Variants in UBE2QL1 observed in about 807,000 individuals in gnomAD.
UBE2QL1 encodes ubiquitin-conjugating enzyme E2Q-like protein 1.
Under a neutral mutation model 12.6 loss-of-function variants are expected in UBE2QL1, and 5 were observed. The ratio of observed to expected loss-of-function variants is 0.40; its 90% confidence interval spans 0.21 to 0.83. The LOEUF (loss-of-function observed/expected upper bound fraction) is 0.83, where lower values mean the gene tolerates loss of function less well. Ranked by LOEUF, UBE2QL1 falls within the 40% of genes least tolerant of loss-of-function variation. The pLI is 0.37. For synonymous variants in UBE2QL1, 96 were observed against 94.5 expected (o/e 1.02, Z -0.10); for missense variants, 99 against 222.6 (o/e 0.44, Z 3.53).
intron 1 of UBE2QL1, among the ~76,000 whole-genome samples, chr5:6,449,868 A>AACCC (rs1739376273): frequency 6.0e-5 from 7 of 117,098 alleles, no homozygotes; most frequent in Admixed American, 8.3e-5. Context: ...CACCTCCCCA[A>AACCC]CCCCCCCCAC....
At chr5:6,451,659 AAGAG>A (rs1167665489) in intron 1 of UBE2QL1, among the ~76,000 whole-genome samples, 1 of 152,190 alleles carries the variant, frequency 6.6e-6, no homozygotes, top group African/African-American at 2.4e-5. Context: ...ACAGCTGTCT[AAGAG>A]AGGGTAATGT....
At chr5:6,490,114 G>C (rs528762984) in intron 1 of UBE2QL1, among the ~76,000 whole-genome samples, 1 of 152,338 alleles carries the variant, frequency 6.6e-6, no homozygotes, top group African/African-American at 2.4e-5. Flanking sequence ...GATCTTCCAG[G>C]AGAGCCTGGG....
At chr5:6,466,966 T>C (rs1739810279) in intron 1 of UBE2QL1, among the ~76,000 whole-genome samples, 1 of 152,208 alleles carries the variant, frequency 6.6e-6, no homozygotes, top group Non-Finnish European at 1.5e-5. Context: ...GGCTGCTCAC[T>C]GTTCTGGGCC....
chr5:6,465,842 G>A lies in UBE2QL1; in HGVS notation c.354+16595G>A, dbSNP rs547611496. Among the ~76,000 whole-genome samples the A allele has an allele frequency of 5.3e-5, 8 of 152,330 alleles. No homozygotes were observed. In the East Asian group the frequency reaches 7.7e-4, roughly 15 times the overall value. The stretch of plus-strand genomic sequence containing the variant: ...ACCTTAAACCTGCCTCCGTGAGGAC[G>A]GAACCTGGACTCCTCGCCATTTCTG... On this transcript the variant is annotated intron_variant, in intron 1 of 1. Coordinates refer to ENST00000399816, the MANE Select transcript of UBE2QL1 (RefSeq NM_001145161.3).
chr5:6,451,192 C>T (rs1354851223), intron 1 of UBE2QL1, among the ~76,000 whole-genome samples: 2 of 151,928 alleles, frequency 1.3e-5, no homozygotes, highest in East Asian at 1.9e-4. Context: ...TGAACTGGAC[C>T]ACTGCCTATA....
rs1363874566 is a variant in UBE2QL1 at position 6,479,462 on chromosome 5, G to T, written c.355-11756G>T. On this transcript the variant is annotated intron_variant, in intron 1 of 1. Transcript: ENST00000399816. This position sits in a 1 kb window ranked among gnomAD's most constrained non-coding sequence, Gnocchi z 4.2. ...TCAGTAAGAAAGTGGGGGGTCTCTG[G>T]GGCTAGTCAGGGAAATGTGTGCCTT... Among the ~76,000 whole-genome samples, 1 of 152,126 alleles carries T rather than the reference G, an allele frequency of 6.6e-6. No homozygotes were observed. Among genetic ancestry groups the T allele is most frequent in the Admixed American group, 6.5e-5 (1 of 15,284 alleles).
intron 1 of UBE2QL1, among the ~76,000 whole-genome samples, chr5:6,452,123 C>G (rs765643221): frequency 6.6e-6 from 1 of 152,098 alleles, no homozygotes; most frequent in Non-Finnish European, 1.5e-5. Context: ...ATTGAGGATA[C>G]GCTGTTTCTA....
chr5:6,458,379 A>G (rs1739580375), intron 1 of UBE2QL1, among the ~76,000 whole-genome samples: 1 of 152,204 alleles, frequency 6.6e-6, no homozygotes, highest in Admixed American at 6.5e-5. Context: ...AAATATTTGA[A>G]GGGTAATTCT....
At chr5:6,458,947 C>G (rs536112722) in intron 1 of UBE2QL1, among the ~76,000 whole-genome samples, 1 of 152,256 alleles carries the variant, frequency 6.6e-6, no homozygotes, top group African/African-American at 2.4e-5. Context: ...GTGCCTGCGT[C>G]TGACAGCACC....
At chr5:6,488,553 C>CTT (rs59856883) in intron 1 of UBE2QL1, among the ~76,000 whole-genome samples, 29,538 of 151,846 alleles carry the variant, frequency 0.19, 6,337 homozygotes, top group African/African-American at 0.53. Context: ...AATCCTAACA[C>CTT]TGAGAAATCA....
At chr5:6,461,949 G>A (rs947795587) in intron 1 of UBE2QL1, among the ~76,000 whole-genome samples, 1 of 152,096 alleles carries the variant, frequency 6.6e-6, no homozygotes, top group Non-Finnish European at 1.5e-5. Context: ...AGCCCTCGGC[G>A]TCCCCAGCTT....
Position 6,495,124 on chromosome 5 carries a change from A to C in UBE2QL1, c.*3775A>C, listed in dbSNP as rs1233168261. ...ATGGGAGGGGCTGAGGGCACCTTGA[A>C]AGGGAGCGTGGACTCTGTCCTCACT... is the stretch of plus-strand genomic sequence containing the variant. On this transcript the variant is annotated 3_prime_UTR_variant, in exon 2 of 2. Transcript: ENST00000399816. Among the ~76,000 whole-genome samples, 3 of 152,102 alleles carry C rather than the reference A, an allele frequency of 2.0e-5. No homozygotes were observed. The highest frequency in any genetic ancestry group is 4.4e-5 in the Non-Finnish European group (3 of 68,010).
intron 1 of UBE2QL1, 35 bp from the exon 2 acceptor site, chr5:6,491,183 C>T (rs904202745): frequency 5.0e-5 from 75 of 1,498,864 alleles, no homozygotes; most frequent in Middle Eastern, 1.7e-4. Context: ...TTCCCAGTGA[C>T]GTTCTAACCT....
intron 1 of UBE2QL1, among the ~76,000 whole-genome samples, chr5:6,471,584 G>A (rs544894379): frequency 2.9e-4 from 44 of 152,294 alleles, no homozygotes; most frequent in Non-Finnish European, 4.3e-4. Context: ...GGTTACCCAG[G>A]ATCAAAGCTG....
At chr5:6,451,486 C>T (rs1739411870) in intron 1 of UBE2QL1, among the ~76,000 whole-genome samples, 1 of 152,194 alleles carries the variant, frequency 6.6e-6, no homozygotes, top group Non-Finnish European at 1.5e-5. Context: ...TAATTATCAA[C>T]TTTTTCATTT....
At chr5:6,449,328 A>G (rs1739364675) in intron 1 of UBE2QL1, 81 bp downstream of exon 1, 2 of 1,258,560 alleles carry the variant, frequency 1.6e-6, no homozygotes, top group East Asian at 6.4e-5. Context: ...CCCCGTGGTG[A>G]GGGCCAGCGC....
intron 1 of UBE2QL1, among the ~76,000 whole-genome samples, chr5:6,465,831 TC>T (rs747649136): frequency 3.9e-5 from 6 of 152,338 alleles, no homozygotes; most frequent in Non-Finnish European, 5.9e-5. Context: ...TAAACCTGCC[TC>T]CGTGAGGACG....
intron 1 of UBE2QL1, among the ~76,000 whole-genome samples, chr5:6,453,888 G>A (rs1337050218): frequency 6.6e-6 from 1 of 152,154 alleles, no homozygotes; most frequent in East Asian, 1.9e-4. Context: ...CTATAACACA[G>A]AGATTTTTTT....
Position 6,481,062 on chromosome 5 carries a change from A to G in UBE2QL1, c.355-10156A>G, listed in dbSNP as rs950166563. Among the ~76,000 whole-genome samples the G allele has an allele frequency of 2.6e-5, 4 of 152,208 alleles. No individual in the cohort carries two copies. The highest frequency in any genetic ancestry group is 9.7e-5 in the African/African-American group (4 of 41,450). On this transcript the variant is annotated intron_variant, in intron 1 of 1. Coordinates refer to ENST00000399816, the MANE Select transcript of UBE2QL1 (RefSeq NM_001145161.3). The surrounding 1 kb of genome is among the most constrained non-coding windows in gnomAD (Gnocchi z 4.5). Reference sequence around the variant, plus strand: ...TAGGAGTTTTTAAGGTTTTGATAGTATTATAAACCAAGTAACCATCACACA... The same window carrying G: ...TAGGAGTTTTTAAGGTTTTGATAGTGTTATAAACCAAGTAACCATCACACA...
Sources: gnomAD v4.1 joint callset for allele counts (sites outside exome capture counted in the v4.1 genomes callset) on GRCh38, gnomAD v4.1.1 for gene constraint, Gnocchi (gnomAD v3.1) non-coding constraint, MANE v1.5 for transcripts, NCBI Gene and HGNC (gene_info 2026-07-23, HGNC 2026-07-21) for gene names.